FRK: variants seen among roughly 807,000 people sequenced by gnomAD.
FRK encodes tyrosine-protein kinase FRK.
A neutral mutation model predicts 56.4 loss-of-function variants in FRK; 51 were observed. The ratio of observed to expected loss-of-function variants is 0.90; its 90% CI spans 0.72 to 1.14. FRK has a LOEUF of 1.14. Ranked by LOEUF, FRK falls within the 50% of genes most tolerant of loss-of-function variation. FRK has a pLI of 0.00. For missense variants in FRK, 570 were observed against 601.4 expected, an observed-to-expected ratio of 0.95 and a Z score of 0.55; for synonymous variants, 245 against 217.9, an observed-to-expected ratio of 1.12 and a Z score of -1.10.
the FRK span, among the ~76,000 whole-genome samples, chr6:116,080,595 A>C: frequency 6.6e-6 from 1 of 152,242 alleles, no homozygotes; most frequent in African/African-American, 2.4e-5. Flanking sequence ...GTTGAAAATA[A>C]TTGCAGTCTA....
chr6:115,981,065 T>C (rs899855801), intron 2 of FRK, among the ~76,000 whole-genome samples: 3 of 152,160 alleles, frequency 2.0e-5, no homozygotes, highest in Admixed American at 2.0e-4. Flanking sequence ...GATAATCAAA[T>C]GACACGGCAC....
chr6:116,049,984 T>C (rs1777127230), intron 1 of FRK, among the ~76,000 whole-genome samples: 1 of 152,176 alleles, frequency 6.6e-6, no homozygotes, highest in South Asian at 2.1e-4. Context: ...TTCCAACTAT[T>C]TGTGTCTTCA....
rs1772073520 is a variant in FRK at position 115,937,540 on chromosome 6, A to C, written c.*4874T>G. ...AAAGACAGAATGGCAAATTGGATAA[A>C]GACTCAAGACCCATCAGTGTGCTGT... On this transcript the variant is annotated 3_prime_UTR_variant, in exon 8 of 8. Coordinates refer to ENST00000606080, the MANE Select transcript of FRK (RefSeq NM_002031.3). 6.6e-6 allele frequency: 1 copy of C among 152,218 alleles called. No homozygotes were observed. Among genetic ancestry groups the C allele is most frequent in the African/African-American group, 2.4e-5 (1 of 41,452 alleles). 9.4% of individuals were successfully genotyped at this position (152,218 alleles called of 1,614,324 possible). A position where few individuals can be genotyped will look rare whatever the true frequency, so the allele number is the denominator to read the frequency against.
intron 7 of FRK, 57 bp downstream of exon 7, chr6:115,942,963 T>C (rs2114508735): frequency 2.6e-6 from 4 of 1,545,952 alleles, no homozygotes; most frequent in Non-Finnish European, 3.5e-6. Flanking sequence ...GCAGTTAAAA[T>C]CACACCTAAG....
At chr6:116,097,926 C>G in the FRK span, among the ~76,000 whole-genome samples, 2 of 152,010 alleles carry the variant, frequency 1.3e-5, no homozygotes, top group South Asian at 2.1e-4. Context: ...TGATTTGAGT[C>G]AATTATCCTT....
chr6:116,002,706 G>C (rs988457066), intron 2 of FRK: 2 of 455,702 alleles, frequency 4.4e-6, no homozygotes, highest in African/African-American at 4.0e-5. Flanking sequence ...GGATTAGGTA[G>C]TAGTGAAGTT....
At chr6:116,003,209 G>A (rs1490383135) in intron 2 of FRK, among the ~76,000 whole-genome samples, 1 of 152,154 alleles carries the variant, frequency 6.6e-6, no homozygotes, top group Admixed American at 6.5e-5. Flanking sequence ...AAGAGAGAAA[G>A]CCTCATATTT....
intron 2 of FRK, among the ~76,000 whole-genome samples, chr6:116,002,112 T>C (rs980591726): frequency 2.0e-5 from 3 of 152,236 alleles, no homozygotes; most frequent in Admixed American, 2.0e-4. Context: ...TATTCTTCTT[T>C]AAGCTGTTTG....
rs781550644 is a variant in FRK at position 115,956,597 on chromosome 6, T to C, written c.813A>G (p.Pro271=). 4.5e-6 allele frequency: 7 copies of C among 1,564,276 alleles called. No homozygotes were observed. Among genetic ancestry groups the C allele is most frequent in the Non-Finnish European group, 6.1e-6 (7 of 1,156,576 alleles). ...TCTGTGCCTCCCTCAGGAAGTCATT[T>C]GGATCCATTGAACCTGAAACAAGAA... ...VKTLKPGSMD[P]NDFLREAQIM... is the part of the protein sequence containing the mutation. The change falls in exon 5 of 8, where the codon CCA becomes CCG. Residue 271 remains proline (P), a synonymous_variant. Transcript: ENST00000606080.
In FRK at chr6:115,973,858, G is replaced by A. The variant is rs1582667301; in HGVS notation, c.467-5119C>T. ...TGCAATTCAGCCTGGGCAACAGAGC[G>A]AGACACAGTCTCAGAAAAAAAAAAA... On this transcript the variant is annotated intron_variant, in intron 2 of 7. Coordinates refer to ENST00000606080, the MANE Select transcript of FRK (RefSeq NM_002031.3). 3.6e-5 allele frequency among the ~76,000 whole-genome samples: 5 copies of A among 138,936 alleles called. No individual in the cohort carries two copies. In the East Asian group the frequency reaches 8.6e-4, roughly 24 times the overall value. The allele number at this position is 138,936 out of a possible 152,430, so 91.1% of individuals were successfully genotyped here. A position where few individuals can be genotyped will look rare whatever the true frequency, so the allele number is the denominator to read the frequency against.
intron 1 of FRK, among the ~76,000 whole-genome samples, chr6:116,036,672 T>C (rs1007106985): frequency 6.6e-6 from 1 of 152,108 alleles, no homozygotes; most frequent in Non-Finnish European, 1.5e-5. Flanking sequence ...TTCTGGGAAG[T>C]GACTTTCAAA....
At chr6:115,958,763 GAAA>G (rs764026096) in intron 4 of FRK, among the ~76,000 whole-genome samples, 1 of 26,244 alleles carries the variant, frequency 3.8e-5, no homozygotes, top group African/African-American at 1.4e-4. Context: ...AAGAAAGAAA[GAAA>G]GAGGGGGGGG....
At chr6:116,088,887 C>T in the FRK span, among the ~76,000 whole-genome samples, 2 of 152,184 alleles carry the variant, frequency 1.3e-5, no homozygotes, top group African/African-American at 4.8e-5. Flanking sequence ...AGAAGTTATG[C>T]ACTTAAGACT....
At chr6:116,058,408 T>A (rs542604643) in intron 1 of FRK, among the ~76,000 whole-genome samples, 1 of 152,298 alleles carries the variant, frequency 6.6e-6, no homozygotes, top group South Asian at 2.1e-4. Flanking sequence ...GTTCTTGGTG[T>A]TGAAAAGAAT....
In FRK at chr6:115,935,434, C is replaced by G. The variant is rs1386647319; in HGVS notation, c.*6980G>C. On this transcript the variant is annotated 3_prime_UTR_variant, in exon 8 of 8. Coordinates refer to ENST00000606080, the MANE Select transcript of FRK (RefSeq NM_002031.3). Reference sequence around the variant, plus strand: ...AACTGGGCAGCCATTTGGGCAGACACTGAACTAGCTGCAGGAGTTTTATTT... The same window carrying G: ...AACTGGGCAGCCATTTGGGCAGACAGTGAACTAGCTGCAGGAGTTTTATTT... 1 of 152,816 alleles carries G rather than the reference C, an allele frequency of 6.5e-6. No individual in the cohort carries two copies. Among genetic ancestry groups the G allele is most frequent in the Non-Finnish European group, 1.5e-5 (1 of 68,546 alleles). 9.5% of individuals were successfully genotyped at this position (152,816 alleles called of 1,614,324 possible). A position where few individuals can be genotyped will look rare whatever the true frequency, so the allele number is the denominator to read the frequency against.
intron 2 of FRK, among the ~76,000 whole-genome samples, chr6:115,984,129 A>G (rs1420938356): frequency 6.6e-6 from 1 of 152,084 alleles, no homozygotes; most frequent in Admixed American, 6.6e-5. Context: ...AGAGTAGCTC[A>G]CTTCGTCCTT....
rs1278863549 is a variant in FRK at position 115,931,709 on chromosome 6, G to T, written c.*10705C>A. On this transcript the variant is annotated 3_prime_UTR_variant, in exon 8 of 8. Transcript: ENST00000606080. The stretch of plus-strand genomic sequence containing the variant: ...GGACCATAAAAATTAAATGTAACTT[G>T]GTTAATACCAAGCAGTTTTCTTTTT... 1 of 152,058 alleles carries T rather than the reference G, an allele frequency of 6.6e-6. No individual in the cohort carries two copies. Among genetic ancestry groups the T allele is most frequent in the African/African-American group, 2.4e-5 (1 of 41,414 alleles). 9.4% of individuals were successfully genotyped at this position (152,058 alleles called of 1,614,324 possible).
the FRK span, among the ~76,000 whole-genome samples, chr6:116,071,395 T>C: frequency 2.0e-5 from 3 of 152,144 alleles, no homozygotes; most frequent in Non-Finnish European, 2.9e-5. Flanking sequence ...ATATACGAAT[T>C]GAGTTACAAA....
At chr6:115,972,265 G>A (rs1276573752) in intron 2 of FRK, among the ~76,000 whole-genome samples, 1 of 152,162 alleles carries the variant, frequency 6.6e-6, no homozygotes, top group African/African-American at 2.4e-5. Flanking sequence ...TTATGGTCCT[G>A]AGATAATATT....
Sources: allele counts gnomAD v4.1 joint callset (sites outside exome capture counted in the v4.1 genomes callset), GRCh38; gene constraint gnomAD v4.1.1; transcripts MANE v1.5; gene names NCBI Gene and HGNC (gene_info 2026-07-23, HGNC 2026-07-21).